The following ESR2 variants were observed in gnomAD, a reference collection of about 807,000 sequenced individuals.
ESR2 encodes estrogen receptor 2, also known as estrogen receptor beta.
In ESR2, 36 loss-of-function variants were observed where a neutral mutation model predicts 49.6. The ratio of observed to expected loss-of-function variants is 0.73; its 90% CI spans 0.56 to 0.96. The LOEUF (loss-of-function observed/expected upper bound fraction) is 0.96, where lower values mean the gene tolerates loss of function less well. ESR2 is among the 40% of genes least tolerant of loss of function. The probability of loss-of-function intolerance (pLI) is 0.00; values close to 1 mark genes in which losing one functional copy is unlikely to be tolerated. For synonymous variants in ESR2, 320 were observed against 266.1 expected, an observed-to-expected ratio of 1.20 and a Z score of -1.97; for missense variants, 714 against 693.0, an observed-to-expected ratio of 1.03 and a Z score of -0.34.
intron 1 of ESR2, among the ~76,000 whole-genome samples, chr14:64,332,543 G>C (rs1026074508): frequency 2.0e-5 from 3 of 152,116 alleles, no homozygotes; most frequent in Middle Eastern, 3.2e-3. Context: ...GCTCACGCCT[G>C]TAATCCCAGC....
chr14:64,280,063 G>C lies in ESR2; in HGVS notation c.453C>G (p.Val151=). 1 of 1,613,998 alleles carries C rather than the reference G, an allele frequency of 6.2e-7. No homozygotes were observed. Reference sequence around the variant, plus strand: ...GATATCCCGATGCGTAATCGCTGCAGACAGCGCAGAAGTGAGCATCCCTCT... The same window carrying C: ...GATATCCCGATGCGTAATCGCTGCACACAGCGCAGAAGTGAGCATCCCTCT... The part of the protein sequence containing the change: ...GSKRDAHFCA[V]CSDYASGYHY... The change falls in exon 3 of 9, where the codon GTC becomes GTG. Residue 151 remains valine, a synonymous_variant. Coordinates refer to ENST00000341099, the MANE Select transcript of ESR2 (RefSeq NM_001437.3).
At chr14:64,244,261 G>A (rs1419946211) in intron 7 of ESR2, among the ~76,000 whole-genome samples, 1 of 152,100 alleles carries the variant, frequency 6.6e-6, no homozygotes, top group Non-Finnish European at 1.5e-5. Flanking sequence ...TTAGCCAGGC[G>A]TGGTGGCAGA....
At chr14:64,286,605 T>C (rs746060117) in intron 1 of ESR2, among the ~76,000 whole-genome samples, 9 of 151,812 alleles carry the variant, frequency 5.9e-5, no homozygotes, top group Admixed American at 2.6e-4. Flanking sequence ...CAGAATTTTG[T>C]ATTTTAATTA....
In ESR2 at chr14:64,268,873, T is replaced by C; in HGVS notation, c.574A>G (p.Thr192Ala). Reference protein sequence around the residue: ...DYICPATNQCTIDKNRRKSCQ... With the variant: ...DYICPATNQCAIDKNRRKSCQ... ...CTCTTGCGCCGGTTTTTATCGATTG[T>C]ACACTGATTTGTAGCTGGACAAATA... The change falls in exon 4 of 9, where the codon ACA (threonine) becomes GCA (alanine). Residue 192 changes from threonine to alanine, a missense_variant. Physicochemically the swap from Thr to Ala is moderately conservative, Grantham distance 58. Transcript: ENST00000341099. 2.5e-6 allele frequency: 4 copies of C among 1,613,478 alleles called. No homozygotes were observed. The highest frequency in any genetic ancestry group is 2.2e-5 in the South Asian group (2 of 91,068).
chr14:64,313,607 A>T (rs1322148169), intron 1 of ESR2, among the ~76,000 whole-genome samples: 1 of 151,378 alleles, frequency 6.6e-6, no homozygotes, highest in Non-Finnish European at 1.5e-5. Context: ...AAGAAAGAAG[A>T]GGCCAGGCGC....
At chr14:64,246,682 A>G (rs2075862233) in intron 7 of ESR2, among the ~76,000 whole-genome samples, 1 of 139,704 alleles carries the variant, frequency 7.2e-6, no homozygotes, top group South Asian at 2.4e-4. Context: ...CAGTGAGCCA[A>G]GATTCCACCA....
chr14:64,254,657 C>CTGAG (rs1410972594), intron 6 of ESR2, among the ~76,000 whole-genome samples: 2 of 151,682 alleles, frequency 1.3e-5, no homozygotes, highest in African/African-American at 4.8e-5. Flanking sequence ...ACTCAGGAGG[C>CTGAG]TGAGGCACAA....
At position 64,239,949 on chromosome 14, in the gene ESR2, C is replaced by T. The variant is rs1276983595; in HGVS notation, c.1226-4799G>A. Reference sequence around the variant, plus strand: ...TGATTAACTATTTGAGTATATATCCCATTCTAGACCAAAAGCATTATATCT... The same window carrying T: ...TGATTAACTATTTGAGTATATATCCTATTCTAGACCAAAAGCATTATATCT... On this transcript the variant is annotated intron_variant, in intron 7 of 8. Coordinates refer to ENST00000341099, the MANE Select transcript of ESR2 (RefSeq NM_001437.3). Among the ~76,000 whole-genome samples, 3 of 152,188 alleles carry T rather than the reference C, an allele frequency of 2.0e-5. No homozygotes were observed. The East Asian group carries it at 5.8e-4, about 29-fold the overall frequency.
At chr14:64,275,829 C>A (rs1291877636) in intron 3 of ESR2, among the ~76,000 whole-genome samples, 3 of 152,166 alleles carry the variant, frequency 2.0e-5, no homozygotes, top group African/African-American at 7.2e-5. Flanking sequence ...TTTCTATGTA[C>A]TTACTATTAC....
intron 7 of ESR2, 23 bp downstream of exon 7, chr14:64,249,523 G>T (rs1301911122): frequency 2.5e-6 from 4 of 1,609,154 alleles, no homozygotes; most frequent in Non-Finnish European, 2.5e-6. Context: ...GATAAAACAT[G>T]GCCCAGCTGT....
At chr14:64,306,861 C>A (rs1042922569) in intron 1 of ESR2, among the ~76,000 whole-genome samples, 3 of 152,158 alleles carry the variant, frequency 2.0e-5, no homozygotes, top group African/African-American at 4.8e-5. Context: ...TGTTATTTCT[C>A]CTTAATCATT....
rs373264279 is a variant in ESR2 at position 64,288,506 on chromosome 14, C to A, written c.-90-5431G>T. Among the ~76,000 whole-genome samples, 127 of 151,884 alleles carry A rather than the reference C, an allele frequency of 8.4e-4. 4 individuals are homozygous for A. The South Asian group carries it at 0.026, about 31-fold the overall frequency. On this transcript the variant is annotated intron_variant, in intron 1 of 8. Coordinates refer to ENST00000341099, the MANE Select transcript of ESR2 (RefSeq NM_001437.3). ...GGGACTACAGGTGCCCGCCACCATG[C>A]CCAGCTAATTTTTTCTATTTTTTAG... is the stretch of plus-strand genomic sequence containing the variant.
chr14:64,298,951 GC>G (rs1401657112), upstream of ESR2, among the ~76,000 whole-genome samples: 5 of 149,746 alleles, frequency 3.3e-5, no homozygotes, highest in African/African-American at 1.2e-4. Context: ...AGAGAAACTA[GC>G]CCCTAGAGGT....
intron 1 of ESR2, among the ~76,000 whole-genome samples, chr14:64,326,431 TCA>T (rs1437809486): frequency 6.6e-6 from 1 of 152,182 alleles, no homozygotes; most frequent in Non-Finnish European, 1.5e-5. Flanking sequence ...ACACCTACAC[TCA>T]TTTATTATTT....
chr14:64,265,775 A>G, intron 4 of ESR2, among the ~76,000 whole-genome samples: 1 of 152,218 alleles, frequency 6.6e-6, no homozygotes, highest in East Asian at 1.9e-4. Flanking sequence ...AGAAAAGACA[A>G]GATCAGAAAT....
At position 64,258,497 on chromosome 14, in the gene ESR2, A is replaced by C. The variant is rs114809623; in HGVS notation, c.953-1133T>G. Among the ~76,000 whole-genome samples, 901 of 152,262 alleles carry C rather than the reference A, an allele frequency of 5.9e-3. 11 individuals are homozygous for C. Among genetic ancestry groups the C allele is most frequent in the African/African-American group, 0.02 (838 of 41,530 alleles). On this transcript the variant is annotated intron_variant, in intron 5 of 8. Coordinates refer to ENST00000341099, the MANE Select transcript of ESR2 (RefSeq NM_001437.3). ...TTTCTAGCTGTTCACTTAATCTCCC[A>C]TTAAGTCTTTGTTTTTCTTATAGGA... is the stretch of plus-strand genomic sequence containing the variant.
chr14:64,281,860 A>C (rs990968416), intron 2 of ESR2, among the ~76,000 whole-genome samples: 2 of 152,242 alleles, frequency 1.3e-5, no homozygotes, highest in Non-Finnish European at 2.9e-5. Flanking sequence ...AAAAGCTTAT[A>C]CCAATCATCT....
chr14:64,268,718 C>G, intron 4 of ESR2, 77 bp downstream of exon 4: 1 of 808,772 alleles, frequency 1.2e-6, no homozygotes. Context: ...CTTTTCCCGG[C>G]TACCTGTCCC....
At chr14:64,228,010 C>G, downstream of ESR2, 1 of 1,519,552 alleles carries the variant, frequency 6.6e-7, no homozygotes. Context: ...GATACCAGGA[C>G]TTTTGTGAGC....
Sources: gnomAD v4.1 joint callset for allele counts (sites outside exome capture counted in the v4.1 genomes callset) on GRCh38, gnomAD v4.1.1 for gene constraint, MANE v1.5 for transcripts, NCBI Gene and HGNC (gene_info 2026-07-23, HGNC 2026-07-21) for gene names.